The following TRPC4AP variants were observed in gnomAD, a reference collection of about 807,000 sequenced individuals.
TRPC4AP encodes transient receptor potential cation channel subfamily C member 4 associated protein.
A neutral mutation model predicts 99.0 loss-of-function variants in TRPC4AP; 45 were observed. The observed-to-expected ratio is 0.45, with a 90% confidence interval of 0.36 to 0.58. The LOEUF (loss-of-function observed/expected upper bound fraction) is 0.58, where lower values mean the gene tolerates loss of function less well. TRPC4AP is among the 20% of genes least tolerant of loss of function. The pLI, the probability that TRPC4AP is intolerant of heterozygous loss-of-function variation, is 0.00. For missense variants in TRPC4AP, 879 were observed against 985.3 expected (o/e 0.89, Z 1.44); for synonymous variants, 408 against 385.8 (o/e 1.06, Z -0.67).
At chr20:35,057,454 G>T in intron 4 of TRPC4AP, 60 bp downstream of exon 4, 1 of 1,371,164 alleles carries the variant, frequency 7.3e-7, no homozygotes, top group South Asian at 1.2e-5. Flanking sequence ...CAGCTGCTGG[G>T]AACTGCCACC....
intron 1 of TRPC4AP, among the ~76,000 whole-genome samples, chr20:35,091,355 C>G (rs2085060289): frequency 6.6e-6 from 1 of 152,210 alleles, no homozygotes; most frequent in Non-Finnish European, 1.5e-5. Context: ...TTCTCACTCA[C>G]AACTGCTCCT....
intron 1 of TRPC4AP, among the ~76,000 whole-genome samples, chr20:35,082,987 C>T (rs2084686921): frequency 6.6e-6 from 1 of 152,210 alleles, no homozygotes; most frequent in Middle Eastern, 3.4e-3. Context: ...TACTTCTATT[C>T]ATCATACTGG....
rs551118142 is a variant in TRPC4AP, at chr20:35,026,026, G to T, written c.1052-4670C>A. ...TGGTCCCAATACCATTTGTTGAAAA[G>T]ACTACTACTGTTTCCACCAATGAAT... On this transcript the variant is annotated intron_variant, in intron 8 of 18. Transcript: ENST00000252015. Among the ~76,000 whole-genome samples the T allele has an allele frequency of 2.0e-5, 3 of 152,248 alleles. No homozygotes were observed. In the South Asian group the frequency reaches 6.2e-4, roughly 32 times the overall value.
At chr20:35,092,101 T>C (rs897169590) in intron 1 of TRPC4AP, among the ~76,000 whole-genome samples, 1 of 152,134 alleles carries the variant, frequency 6.6e-6, no homozygotes, top group Non-Finnish European at 1.5e-5. Context: ...GAAAGTAATG[T>C]AAACGAAACG....
At chr20:35,077,413 T>C (rs1278340712) in intron 2 of TRPC4AP, among the ~76,000 whole-genome samples, 1 of 152,158 alleles carries the variant, frequency 6.6e-6, no homozygotes, top group Admixed American at 6.6e-5. Context: ...CTTACATGGG[T>C]TTTAACTGCA....
At chr20:35,040,131 T>C (rs2083414146) in intron 7 of TRPC4AP, among the ~76,000 whole-genome samples, 1 of 151,324 alleles carries the variant, frequency 6.6e-6, no homozygotes. Context: ...GCCCTAAATA[T>C]GACTGCGTTT....
In TRPC4AP at chr20:35,021,326, G is replaced by A; in HGVS notation, c.1082C>T (p.Ser361Phe). 6.2e-7 allele frequency: 1 copy of A among 1,614,168 alleles called. No homozygotes were observed. The highest frequency in any genetic ancestry group is 8.5e-7 in the Non-Finnish European group (1 of 1,180,032). The change falls in exon 9 of 19, where the codon TCT becomes TTT. Residue 361 changes from serine to phenylalanine, a missense_variant. Coordinates refer to ENST00000252015, the MANE Select transcript of TRPC4AP (RefSeq NM_015638.3). ...ASIVFPPPGA[S>F]EENGLPHTSA... ...CGTGTGAGGCAGGCCATTCTCCTCA[G>A]AAGCCCCTGGAGGAGGGAACACAAT...
intron 8 of TRPC4AP, among the ~76,000 whole-genome samples, chr20:35,022,890 G>A (rs1334348293): frequency 6.6e-6 from 1 of 152,110 alleles, no homozygotes; most frequent in Non-Finnish European, 1.5e-5. Flanking sequence ...GGGCATGGTG[G>A]CATGCGCCTG....
At chr20:35,038,707 G>A (rs1268637128) in intron 7 of TRPC4AP, among the ~76,000 whole-genome samples, 1 of 152,156 alleles carries the variant, frequency 6.6e-6, no homozygotes, top group Admixed American at 6.5e-5. Context: ...ACCACAGGGA[G>A]GGGAACAAAC....
At chr20:35,020,813 A>G (rs7274866) in intron 9 of TRPC4AP, among the ~76,000 whole-genome samples, 21,176 of 152,160 alleles carry the variant, frequency 0.14, 1,854 homozygotes, top group African/African-American at 0.25. Context: ...TTTCCTAAGC[A>G]GACACAGCTC....
chr20:35,010,822 G>C (rs2082618505), intron 11 of TRPC4AP, among the ~76,000 whole-genome samples: 1 of 152,120 alleles, frequency 6.6e-6, no homozygotes, highest in African/African-American at 2.4e-5. Flanking sequence ...TGCCAAAAGT[G>C]ATCTTCAGAA....
At chr20:35,047,798 TAA>T (rs2083594918) in intron 6 of TRPC4AP, among the ~76,000 whole-genome samples, 1 of 152,208 alleles carries the variant, frequency 6.6e-6, no homozygotes, top group African/African-American at 2.4e-5. Flanking sequence ...GTTTCAATCC[TAA>T]GAATCACTGT....
At chr20:35,043,171 T>A (rs1170572005) in intron 7 of TRPC4AP, among the ~76,000 whole-genome samples, 2 of 152,204 alleles carry the variant, frequency 1.3e-5, no homozygotes, top group Non-Finnish European at 2.9e-5. Flanking sequence ...AAATATTGAA[T>A]ACACTAAGCA....
intron 6 of TRPC4AP, 101 bp from the exon 7 acceptor site, chr20:35,044,813 G>C (rs987136299): frequency 6.3e-6 from 7 of 1,114,440 alleles, no homozygotes; most frequent in South Asian, 1.4e-5. Flanking sequence ...TTAGTGGCTA[G>C]ATCACTTAGG....
chr20:35,046,204 A>G (rs1392700489), intron 6 of TRPC4AP, among the ~76,000 whole-genome samples: 1 of 152,188 alleles, frequency 6.6e-6, no homozygotes, highest in Non-Finnish European at 1.5e-5. Context: ...TTTAATAAAT[A>G]CCCTATATAT....
intron 2 of TRPC4AP, among the ~76,000 whole-genome samples, chr20:35,073,166 G>A (rs1451383791): frequency 2.0e-5 from 3 of 152,150 alleles, no homozygotes; most frequent in Non-Finnish European, 4.4e-5. Flanking sequence ...CAGTTTAAGA[G>A]GATTTTGGGC....
In TRPC4AP at chr20:35,048,264, T is replaced by G. The variant is rs1275956861; in HGVS notation, c.657+1602A>C. ...TCTTGCTCTGTTGCCCAGGCTGGAG[T>G]GCAGTGACATAATCTTGGCTCACTG... On this transcript the variant is annotated intron_variant, in intron 6 of 18. Coordinates refer to ENST00000252015, the MANE Select transcript of TRPC4AP (RefSeq NM_015638.3). Among the ~76,000 whole-genome samples, 4 of 146,776 alleles carry G rather than the reference T, an allele frequency of 2.7e-5. No homozygotes were observed. In the East Asian group the frequency reaches 8.1e-4, roughly 30 times the overall value.
At chr20:35,089,862 A>C (rs2084998687) in intron 1 of TRPC4AP, among the ~76,000 whole-genome samples, 1 of 152,106 alleles carries the variant, frequency 6.6e-6, no homozygotes, top group Admixed American at 6.6e-5. Flanking sequence ...AAAAAATAAA[A>C]AATGTTTAAA....
At chr20:35,089,485 G>T (rs1231492708) in intron 1 of TRPC4AP, among the ~76,000 whole-genome samples, 1 of 150,912 alleles carries the variant, frequency 6.6e-6, no homozygotes, top group African/African-American at 2.4e-5. Flanking sequence ...TCCCATCTTG[G>T]TCTCCCAAAG....
Sources: gnomAD v4.1 joint callset for allele counts (sites outside exome capture counted in the v4.1 genomes callset) on GRCh38, gnomAD v4.1.1 for gene constraint, MANE v1.5 for transcripts, NCBI Gene and HGNC (gene_info 2026-07-23, HGNC 2026-07-21) for gene names.